Variants in ERC2 observed in about 807,000 individuals in gnomAD.
ERC2 encodes ERC protein 2.
Under a neutral mutation model 114.8 loss-of-function variants are expected in ERC2, and 42 were observed. The ratio of observed to expected loss-of-function variants is 0.37; its 90% confidence interval spans 0.29 to 0.47. The LOEUF (loss-of-function observed/expected upper bound fraction) is 0.47. ERC2 is among the 20% of genes least tolerant of loss of function. ERC2 has a pLI of 0.99. For synonymous variants in ERC2, 454 were observed against 425.5 expected, an observed-to-expected ratio of 1.07 and a Z score of -0.82; for missense variants, 939 against 1,150.7, an observed-to-expected ratio of 0.82 and a Z score of 2.66.
At chr3:56,089,719 C>G (rs928853845) in intron 6 of ERC2, among the ~76,000 whole-genome samples, 3 of 152,088 alleles carry the variant, frequency 2.0e-5, no homozygotes, top group Non-Finnish European at 4.4e-5. Flanking sequence ...AAGCTTCAAC[C>G]CTTGGAATGG....
At position 56,173,452 on chromosome 3, in the gene ERC2, T is replaced by C; in HGVS notation, c.1143A>G (p.Glu381=). 6.2e-7 allele frequency: 1 copy of C among 1,613,864 alleles called. No individual in the cohort carries two copies. Among genetic ancestry groups the C allele is most frequent in the Non-Finnish European group, 8.5e-7 (1 of 1,179,802 alleles). ...AKTKALQTVI[E]MKDTKIASLE... ...AAAAGTGCACAGTTCCTACCTTCAT[T>C]TCGATGACAGTCTGGAGAGCCTTCG... is the stretch of plus-strand genomic sequence containing the variant. The change falls in exon 4 of 18, where the codon GAA becomes GAG. Residue 381 remains glutamate, a synonymous_variant. Coordinates refer to ENST00000288221, the MANE Select transcript of ERC2 (RefSeq NM_015576.3).
Position 56,296,117 on chromosome 3 carries a change from T to C in ERC2, c.976A>G (p.Asn326Asp), listed in dbSNP as rs1310187248. 1 of 1,614,012 alleles carries C rather than the reference T, an allele frequency of 6.2e-7. No individual in the cohort carries two copies. Reference sequence around the variant, plus strand: ...TCTGCCATCCGCCGCGTTCGCTCATTGTCATCCTCCAGGCTTTTGGATGGC... The same window carrying C: ...TCTGCCATCCGCCGCGTTCGCTCATCGTCATCCTCCAGGCTTTTGGATGGC... ...GLPSKSLEDDNERTRRMAEAE... is the reference protein window; with the variant it reads ...GLPSKSLEDDDERTRRMAEAE... Residue 326 changes from asparagine to aspartate, a missense_variant, in exon 3 of 18, where the codon AAT (asparagine) becomes GAT (aspartate). By Grantham distance (23) the Asn-to-Asp change is conservative (BLOSUM62 1). Around this residue, in one of 5 missense-constraint regions of ERC2, gnomAD observed 148 missense variants for 159.1 expected, o/e 0.93. Transcript: ENST00000288221.
In ERC2 at chr3:56,304,611, G is replaced by A. The variant is rs145318980; in HGVS notation, c.658-8176C>T. On this transcript the variant is annotated intron_variant, in intron 2 of 17. Transcript: ENST00000288221. ...TCTAGTCCAAACTTCACACTTAGAC[G>A]ATGAGTATTATTAGCAAGTGGAATA... Among the ~76,000 whole-genome samples the A allele has an allele frequency of 1.4e-3, 206 of 152,248 alleles. 1 individual carries two copies. The Middle Eastern group carries it at 0.02, about 15-fold the overall frequency.
chr3:56,168,977 G>T (rs1575663047), intron 4 of ERC2, among the ~76,000 whole-genome samples: 1 of 152,118 alleles, frequency 6.6e-6, no homozygotes, highest in Non-Finnish European at 1.5e-5. Flanking sequence ...GCCTGGTGGG[G>T]ACAAATGTCA....
intron 4 of ERC2, among the ~76,000 whole-genome samples, chr3:56,169,327 T>A (rs1336216513): frequency 6.6e-6 from 1 of 152,260 alleles, no homozygotes; most frequent in African/African-American, 2.4e-5. Flanking sequence ...TATCATTTAA[T>A]GTTTTAAGCA....
intron 14 of ERC2, among the ~76,000 whole-genome samples, chr3:55,866,670 T>G (rs890413275): frequency 3.3e-5 from 5 of 152,184 alleles, no homozygotes; most frequent in Admixed American, 2.0e-4. Context: ...GTACATAGCT[T>G]AGAGTTTTAA....
At chr3:56,290,564 C>G (rs1178356283) in intron 3 of ERC2, among the ~76,000 whole-genome samples, 1 of 152,104 alleles carries the variant, frequency 6.6e-6, no homozygotes, top group African/African-American at 2.4e-5. Context: ...ATTAGAAATG[C>G]CTGCATCAGC....
At chr3:56,071,066 A>C (rs2076715127) in intron 7 of ERC2, among the ~76,000 whole-genome samples, 2 of 152,192 alleles carry the variant, frequency 1.3e-5, no homozygotes, top group African/African-American at 4.8e-5. Context: ...TAACTTGCCT[A>C]TTTAGTAATT....
At chr3:56,405,262 A>G (rs191426107) in intron 2 of ERC2, among the ~76,000 whole-genome samples, 3 of 152,198 alleles carry the variant, frequency 2.0e-5, no homozygotes, top group African/African-American at 7.2e-5. Context: ...TGGTCAACAT[A>G]GTGCAACCTT....
chr3:56,220,816 A>G (rs778377050), intron 3 of ERC2, among the ~76,000 whole-genome samples: 2 of 152,212 alleles, frequency 1.3e-5, no homozygotes, highest in African/African-American at 4.8e-5. Context: ...TTTCCTAGTT[A>G]TTTGGTGGGA....
chr3:55,780,898 G>A (rs368905099), intron 14 of ERC2, among the ~76,000 whole-genome samples: 2 of 152,120 alleles, frequency 1.3e-5, no homozygotes, highest in East Asian at 1.9e-4. Flanking sequence ...CAAATGATAC[G>A]CCAAGACGAG....
chr3:55,789,032 T>G (rs1387207378), intron 14 of ERC2, among the ~76,000 whole-genome samples: 1 of 151,988 alleles, frequency 6.6e-6, no homozygotes, highest in Non-Finnish European at 1.5e-5. Flanking sequence ...GGATCAAATG[T>G]CCTCTCCTTT....
At chr3:56,119,340 T>C (rs1455719092) in intron 6 of ERC2, among the ~76,000 whole-genome samples, 1 of 152,228 alleles carries the variant, frequency 6.6e-6, no homozygotes, top group Non-Finnish European at 1.5e-5. Flanking sequence ...AATGGGATCA[T>C]GTGAAATTGA....
intron 15 of ERC2, among the ~76,000 whole-genome samples, chr3:55,708,122 C>T (rs905738907): frequency 6.6e-6 from 1 of 152,202 alleles, no homozygotes; most frequent in Non-Finnish European, 1.5e-5. Flanking sequence ...TTTTAAAATT[C>T]CCTCTGAAAA....
chr3:56,008,998 C>T (rs1209907871), intron 9 of ERC2, among the ~76,000 whole-genome samples: 1 of 152,180 alleles, frequency 6.6e-6, no homozygotes, highest in Non-Finnish European at 1.5e-5. Flanking sequence ...TTGCAGAACC[C>T]TGACTGACAC....
At chr3:56,401,198 T>A (rs1287245071) in intron 2 of ERC2, among the ~76,000 whole-genome samples, 3 of 152,236 alleles carry the variant, frequency 2.0e-5, no homozygotes, top group African/African-American at 7.2e-5. Flanking sequence ...TTTTTACCAA[T>A]AAACATTGTT....
intron 1 of ERC2, among the ~76,000 whole-genome samples, chr3:56,447,918 T>C (rs1181373794): frequency 6.6e-6 from 1 of 152,080 alleles, no homozygotes; most frequent in Non-Finnish European, 1.5e-5. Flanking sequence ...AATTTTTGTA[T>C]TTTTAGTACA....
At chr3:56,133,699 T>C (rs2080337548) in intron 6 of ERC2, among the ~76,000 whole-genome samples, 1 of 152,144 alleles carries the variant, frequency 6.6e-6, no homozygotes, top group Non-Finnish European at 1.5e-5. Context: ...TTTTAAAATA[T>C]CACATGGAAA....
chr3:56,239,439 G>A (rs2051178417), intron 3 of ERC2, among the ~76,000 whole-genome samples: 1 of 152,178 alleles, frequency 6.6e-6, no homozygotes, highest in Non-Finnish European at 1.5e-5. Flanking sequence ...CCAGGTGGCA[G>A]AGGTTGCAGT....
Sources: gnomAD v4.1 joint callset for allele counts (sites outside exome capture counted in the v4.1 genomes callset) on GRCh38, gnomAD v4.1.1 for gene constraint, gnomAD v4.1.1 regional missense constraint, MANE v1.5 for transcripts, NCBI Gene and HGNC (gene_info 2026-07-23, HGNC 2026-07-21) for gene names.